The following PAM16 variants were observed in gnomAD, a reference collection of about 807,000 sequenced individuals.
PAM16 encodes mitochondrial import inner membrane translocase subunit TIM16.
A neutral mutation model predicts 17.9 loss-of-function variants in PAM16; 11 were observed. The observed-to-expected ratio is 0.62, with a 90% CI of 0.39 to 1.02. The LOEUF (loss-of-function observed/expected upper bound fraction) is 1.02, where lower values mean the gene tolerates loss of function less well. Ranked by LOEUF, PAM16 falls within the 50% of genes least tolerant of loss-of-function variation. PAM16 has a pLI of 0.01. For missense variants in PAM16, 199 were observed against 165.4 expected (o/e 1.20, Z -1.11); for synonymous variants, 72 against 67.4 (o/e 1.07, Z -0.34).
intron 1 of PAM16, among the ~76,000 whole-genome samples, chr16:4,346,190 G>A (rs2053756057): frequency 6.6e-6 from 1 of 152,190 alleles, no homozygotes; most frequent in African/African-American, 2.4e-5. Flanking sequence ...AGGCCAGCAA[G>A]GTTCCTATAG....
intron 1 of PAM16, 44 bp from the exon 2 acceptor site, chr16:4,343,335 G>C (rs1343580715): frequency 6.4e-7 from 1 of 1,563,554 alleles, no homozygotes; most frequent in Non-Finnish European, 8.7e-7. Flanking sequence ...ACTCCCTGTG[G>C]GCCCACAGAG....
intron 1 of PAM16, chr16:4,343,635 G>T: frequency 8.5e-7 from 1 of 1,181,846 alleles, no homozygotes; most frequent in Non-Finnish European, 1.1e-6. Context: ...CAGAACACAG[G>T]GACAGCCCTG....
chr16:4,350,956 G>A (rs959442944), intron 1 of PAM16: 49 of 296,124 alleles, frequency 1.7e-4, no homozygotes, highest in African/African-American at 9.3e-4. Flanking sequence ...ATGCTCCACC[G>A]CTGCCCACGG....
intron 1 of PAM16, chr16:4,344,117 GACTC>G (rs2053695254): frequency 2.5e-6 from 1 of 397,424 alleles, no homozygotes; most frequent in Non-Finnish European, 4.4e-6. Flanking sequence ...AGGCCCTGGG[GACTC>G]ACTAAGATGT....
intron 1 of PAM16, among the ~76,000 whole-genome samples, chr16:4,349,048 C>T (rs192056148): frequency 6.6e-6 from 1 of 151,612 alleles, no homozygotes; most frequent in African/African-American, 2.4e-5. Flanking sequence ...CTCGGCCTCC[C>T]GGGTTCAAGC....
At chr16:4,340,792 G>A in intron 4 of PAM16, 128 bp downstream of exon 4, 1 of 1,238,560 alleles carries the variant, frequency 8.1e-7, no homozygotes, top group Non-Finnish European at 1.2e-6. Context: ...GGGCACCATG[G>A]GAAAGCCTGG....
intron 2 of PAM16, among the ~76,000 whole-genome samples, chr16:4,342,376 T>C (rs537777393): frequency 6.8e-6 from 1 of 147,674 alleles, no homozygotes; most frequent in East Asian, 2.0e-4. Flanking sequence ...ACAAAAGGGC[T>C]GGGTGCGGTG....
intron 1 of PAM16, chr16:4,347,525 TAAC>T (rs1003749938): frequency 6.6e-6 from 1 of 152,200 alleles, no homozygotes; most frequent in African/African-American, 2.4e-5. Context: ...CAATGCCCAT[TAAC>T]ACCACATGGA....
At chr16:4,341,872 G>A (rs1045388054) in intron 2 of PAM16, among the ~76,000 whole-genome samples, 1 of 152,194 alleles carries the variant, frequency 6.6e-6, no homozygotes, top group Non-Finnish European at 1.5e-5. Flanking sequence ...GGGCTCTGCA[G>A]GGGCCCAGCT....
At chr16:4,350,718 C>G (rs2053838371) in intron 1 of PAM16, among the ~76,000 whole-genome samples, 1 of 152,154 alleles carries the variant, frequency 6.6e-6, no homozygotes, top group African/African-American at 2.4e-5. Flanking sequence ...ACTTTTAAAG[C>G]TACCCTAGGT....
intron 2 of PAM16, 34 bp downstream of exon 2, chr16:4,343,159 ACCTGGAGAGGAACT>A (rs2053675961): frequency 6.2e-7 from 1 of 1,611,486 alleles, no homozygotes; most frequent in Non-Finnish European, 8.5e-7. Context: ...GGAAAATCTG[ACCTGGAGAGGAACT>A]CCCAGCCCAC....
At chr16:4,349,330 G>A (rs983230398) in intron 1 of PAM16, among the ~76,000 whole-genome samples, 57 of 152,296 alleles carry the variant, frequency 3.7e-4, no homozygotes, top group African/African-American at 1.3e-3. Flanking sequence ...CACTTTGGGA[G>A]TCCGAGGCAG....
At position 4,351,117 on chromosome 16, in the gene PAM16, CGGGCACGCA is replaced by C. The variant is rs1482068498; in HGVS notation, c.3+106_3+114del. On this transcript the variant is annotated intron_variant, in intron 1 of 4. Coordinates refer to ENST00000318059, the MANE Select transcript of PAM16 (RefSeq NM_016069.11). ...AACGCCCCCAGACCATGCTTCCCGC[CGGGCACGCA>C]GGGGGCGCACGGCGCCCGCCGCCCA... is the stretch of plus-strand genomic sequence containing the variant. 8.1e-6 allele frequency: 4 copies of C among 495,106 alleles called. No homozygotes were observed. The East Asian group carries it at 1.6e-4, about 20-fold the overall frequency. The allele number at this position is 495,106 out of a possible 1,614,324, so 30.7% of individuals were successfully genotyped here.
Position 4,351,266 on chromosome 16 carries a change from C to T in PAM16, c.-32G>A, listed in dbSNP as rs1401539686. On this transcript the variant is annotated 5_prime_UTR_variant, in exon 1 of 5. Coordinates refer to ENST00000318059, the MANE Select transcript of PAM16 (RefSeq NM_016069.11). ...CGCTCTGCCTCCGGGGCTCAAACTC[C>T]GACTTCCTGGCCCCGCGGCCGGGGA... 2.1e-6 allele frequency: 3 copies of T among 1,462,856 alleles called. No individual in the cohort carries two copies. Among genetic ancestry groups the T allele is most frequent in the Admixed American group, 4.2e-5 (2 of 47,740 alleles). 90.6% of individuals were successfully genotyped at this position (1,462,856 alleles called of 1,614,324 possible). A position where few individuals can be genotyped will look rare whatever the true frequency, so the allele number is the denominator to read the frequency against.
intron 1 of PAM16, 37 bp from the exon 2 acceptor site, chr16:4,343,328 C>G: frequency 6.4e-7 from 1 of 1,568,148 alleles, no homozygotes; most frequent in South Asian, 1.2e-5. Context: ...GCAGGCCACT[C>G]CCTGTGGGCC....
chr16:4,345,976 C>A, intron 1 of PAM16: 1 of 985,370 alleles, frequency 1.0e-6, no homozygotes, highest in Non-Finnish European at 1.2e-6. Context: ...GCCTTGCAAT[C>A]ACTTGTTTAC....
intron 4 of PAM16, 28 bp from the exon 5 acceptor site, chr16:4,340,433 GA>G: frequency 6.2e-7 from 1 of 1,605,004 alleles, no homozygotes; most frequent in Non-Finnish European, 8.5e-7. Context: ...ATCAGGCCGG[GA>G]GGCCAAGCCT....
chr16:4,340,566 G>A (rs986339217), intron 4 of PAM16, among the ~76,000 whole-genome samples, 161 bp from the exon 5 acceptor site: 3 of 152,194 alleles, frequency 2.0e-5, no homozygotes, highest in African/African-American at 7.2e-5. Context: ...GGGGTGGCCT[G>A]GGGAGACAGA....
chr16:4,346,950 C>G (rs1394633333), intron 1 of PAM16: 1 of 152,088 alleles, frequency 6.6e-6, no homozygotes, highest in Non-Finnish European at 1.5e-5. Flanking sequence ...AACTCCTGAC[C>G]TCAGGTGATC....
Sources: allele counts gnomAD v4.1 joint callset (sites outside exome capture counted in the v4.1 genomes callset), GRCh38; gene constraint gnomAD v4.1.1; transcripts MANE v1.5; gene names NCBI Gene and HGNC (gene_info 2026-07-23, HGNC 2026-07-21).